The following PKHD1L1 variants were observed in gnomAD, a reference collection of about 807,000 sequenced individuals.
PKHD1L1 encodes the protein fibrocystin-L.
PKHD1L1 carries 434 observed loss-of-function variants against 462.9 expected under a neutral mutation model. That is an observed-to-expected ratio of 0.94 (90% confidence interval 0.87 to 1.02). PKHD1L1 has a LOEUF of 1.02. Ranked by LOEUF, PKHD1L1 falls within the 50% of genes least tolerant of loss-of-function variation. The pLI, the probability that PKHD1L1 is intolerant of heterozygous loss-of-function variation, is 0.00. For synonymous variants in PKHD1L1, 1,781 were observed against 1,750.0 expected (o/e 1.02, Z -0.44); for missense variants, 5,202 against 5,096.1 (o/e 1.02, Z -0.63).
rs1815819898 is a variant in PKHD1L1 at position 109,442,002 on chromosome 8, C to T, written c.4205-5C>T. ...TTTAAAATATTACTCAATTCTTGCC[C>T]CCAGTACATGGATTAGGTTATGCCT... On this transcript the variant is annotated splice_region_variant and splice_polypyrimidine_tract_variant and intron_variant, in intron 34 of 77. Transcript: ENST00000378402. 1 of 1,559,980 alleles carries T rather than the reference C, an allele frequency of 6.4e-7. No individual in the cohort carries two copies. The highest frequency in any genetic ancestry group is 8.6e-7 in the Non-Finnish European group (1 of 1,157,668).
At chr8:109,377,768 C>T (rs1019163937) in intron 2 of PKHD1L1, among the ~76,000 whole-genome samples, 3 of 152,048 alleles carry the variant, frequency 2.0e-5, no homozygotes, top group African/African-American at 7.2e-5. Context: ...ATTAGGAGAA[C>T]ATTTAATTAT....
Position 109,362,660 on chromosome 8 carries a change from C to G in PKHD1L1, c.73+7C>G, listed in dbSNP as rs779219222. Reference sequence around the variant, plus strand: ...GCCGCGGATCCCAGCACAGGTAACCCTTTGGGCACGCTAGGCAGGCAAGCA... The same window carrying G: ...GCCGCGGATCCCAGCACAGGTAACCGTTTGGGCACGCTAGGCAGGCAAGCA... On this transcript the variant is annotated splice_region_variant and intron_variant, in intron 1 of 77. Coordinates refer to ENST00000378402, the MANE Select transcript of PKHD1L1 (RefSeq NM_177531.6). 1 of 1,595,842 alleles carries G rather than the reference C, an allele frequency of 6.3e-7. No individual in the cohort carries two copies. The highest frequency in any genetic ancestry group is 1.1e-5 in the South Asian group (1 of 87,770).
rs1282901318 is a variant in PKHD1L1 at position 109,420,666 on chromosome 8, C to A, written c.2673C>A (p.Pro891=). The stretch of plus-strand genomic sequence containing the variant: ...CATACAATTGCAGTTACAATATACC[C>A]ATGATGGCTGTGAGCTTTGGGCAGG... ...MTSYNCSYNI[P]MMAVSFGQII... The change falls in exon 23 of 78, where the codon CCC becomes CCA. Residue 891 remains proline, a synonymous_variant. Transcript: ENST00000378402. 1.3e-6 allele frequency: 2 copies of A among 1,588,364 alleles called. No individual in the cohort carries two copies. The highest frequency in any genetic ancestry group is 1.7e-6 in the Non-Finnish European group (2 of 1,170,202).
At chr8:109,366,094 T>C (rs1811217833) in intron 2 of PKHD1L1, among the ~76,000 whole-genome samples, 1 of 152,188 alleles carries the variant, frequency 6.6e-6, no homozygotes, top group Non-Finnish European at 1.5e-5. Flanking sequence ...ATCCCTAGTT[T>C]GAAATAAAAA....
chr8:109,445,997 T>G (rs1816117104), intron 38 of PKHD1L1, among the ~76,000 whole-genome samples: 1 of 152,136 alleles, frequency 6.6e-6, no homozygotes, highest in Non-Finnish European at 1.5e-5. Flanking sequence ...AAATCAAAAG[T>G]TACAATCTTA....
chr8:109,468,150 A>G (rs1325934014), intron 50 of PKHD1L1, among the ~76,000 whole-genome samples: 1 of 152,214 alleles, frequency 6.6e-6, no homozygotes, highest in African/African-American at 2.4e-5. Context: ...TAATTATACC[A>G]GCCACATGAC....
chr8:109,429,537 T>C, intron 26 of PKHD1L1, 75 bp downstream of exon 26: 1 of 1,382,970 alleles, frequency 7.2e-7, no homozygotes, highest in Non-Finnish European at 9.9e-7. Flanking sequence ...GTTAAAGACC[T>C]GGTGAAACAG....
chr8:109,438,679 CTT>C (rs1322884721), intron 31 of PKHD1L1, among the ~76,000 whole-genome samples: 1 of 151,230 alleles, frequency 6.6e-6, no homozygotes, highest in East Asian at 1.9e-4. Flanking sequence ...TAAAAAAGGA[CTT>C]TGTCATCTTT....
chr8:109,445,327 G>C lies in PKHD1L1; in HGVS notation c.5458G>C (p.Gly1820Arg). ...TGTTAGTGTTGTGGTGGGAAGTAAA[G>C]GCTTGGCTCTGGGAAACCTGACTGT... ...HSVSVVVGSKGLALGNLTVSS... is the reference protein window; with the variant it reads ...HSVSVVVGSKRLALGNLTVSS... The change falls in exon 38 of 78, where the codon GGC (glycine) becomes CGC (arginine). Residue 1820 changes from glycine (G) to arginine (R), a missense_variant. Around this residue, in one of 3 missense-constraint regions of PKHD1L1, gnomAD observed 4,497 missense variants for 4,336.8 expected, o/e 1.04. Transcript: ENST00000378402. 1 of 1,613,944 alleles carries C rather than the reference G, an allele frequency of 6.2e-7. No homozygotes were observed.
At chr8:109,516,129 TAACTC>T (rs1276019278) in intron 72 of PKHD1L1, among the ~76,000 whole-genome samples, 1 of 152,146 alleles carries the variant, frequency 6.6e-6, no homozygotes, top group Non-Finnish European at 1.5e-5. Context: ...GCTTTATATG[TAACTC>T]ATTGTTACTA....
At chr8:109,459,228 C>G (rs1563567968) in intron 46 of PKHD1L1, among the ~76,000 whole-genome samples, 1 of 152,022 alleles carries the variant, frequency 6.6e-6, no homozygotes, top group Non-Finnish European at 1.5e-5. Flanking sequence ...TTGTAACAAC[C>G]AAAAGTGTCT....
In PKHD1L1 at chr8:109,389,165, C is replaced by A; in HGVS notation, c.697+13C>A. Reference sequence around the variant, plus strand: ...GGAACTTTTATTGGCAAGTGTTGGTCATCTTTCTTCATAATGCTCACAGAT... The same window carrying A: ...GGAACTTTTATTGGCAAGTGTTGGTAATCTTTCTTCATAATGCTCACAGAT... On this transcript the variant is annotated intron_variant, in intron 8 of 77. Transcript: ENST00000378402. 1 of 1,584,492 alleles carries A rather than the reference C, an allele frequency of 6.3e-7. No individual in the cohort carries two copies. The highest frequency in any genetic ancestry group is 1.1e-5 in the South Asian group (1 of 89,778).
intron 51 of PKHD1L1, among the ~76,000 whole-genome samples, chr8:109,475,816 C>T (rs1014042850): frequency 5.6e-5 from 8 of 142,118 alleles, no homozygotes; most frequent in Middle Eastern, 3.8e-3. Context: ...CCACTGTACT[C>T]CAGCCTGGGC....
At chr8:109,443,937 A>G in intron 37 of PKHD1L1, 35 bp downstream of exon 37, 1 of 1,484,110 alleles carries the variant, frequency 6.7e-7, no homozygotes, top group Non-Finnish European at 9.3e-7. Context: ...TACTTCTATT[A>G]TATGTTCCCA....
chr8:109,504,607 C>A, intron 68 of PKHD1L1, 115 bp downstream of exon 68: 1 of 552,016 alleles, frequency 1.8e-6, no homozygotes, highest in Non-Finnish European at 3.0e-6. Flanking sequence ...TTTTATGATA[C>A]TTTAATGAGC....
Position 109,444,955 on chromosome 8 carries a change from G to A in PKHD1L1, c.5086G>A (p.Gly1696Ser). ...TTCTGCAGGTGTAAAAGTCCTTATG[G>A]GTCATTTCCCATGTAAAGTTCTATC... ...VSSAGVKVLM[G>S]HFPCKVLSVN... The change falls in exon 38 of 78, where the codon GGT becomes AGT. Residue 1696 changes from glycine to serine, a missense_variant. Transcript: ENST00000378402. 1.2e-6 allele frequency: 2 copies of A among 1,613,928 alleles called. No homozygotes were observed. Among genetic ancestry groups the A allele is most frequent in the Non-Finnish European group, 1.7e-6 (2 of 1,179,862 alleles).
chr8:109,479,158 G>A (rs561174062), intron 53 of PKHD1L1, among the ~76,000 whole-genome samples: 10 of 152,194 alleles, frequency 6.6e-5, no homozygotes, highest in African/African-American at 2.4e-4. Flanking sequence ...GCATTAAAAG[G>A]TATTTTCTAG....
At chr8:109,501,901 C>T (rs1461121936) in intron 67 of PKHD1L1, among the ~76,000 whole-genome samples, 2 of 152,146 alleles carry the variant, frequency 1.3e-5, no homozygotes, top group Non-Finnish European at 2.9e-5. Flanking sequence ...ATCCAGTCTA[C>T]TTCCTTCCAG....
intron 8 of PKHD1L1, 38 bp from the exon 9 acceptor site, chr8:109,390,414 G>A (rs1353039450): frequency 4.9e-6 from 6 of 1,217,668 alleles, no homozygotes; most frequent in South Asian, 1.8e-5. Flanking sequence ...TTCTGTGACT[G>A]GGAATTTAAT....
Sources: allele counts gnomAD v4.1 joint callset (sites outside exome capture counted in the v4.1 genomes callset), GRCh38; gene constraint gnomAD v4.1.1; regional missense constraint gnomAD v4.1.1; transcripts MANE v1.5; gene names NCBI Gene and HGNC (gene_info 2026-07-23, HGNC 2026-07-21).